The following KLRD1 variants were observed in gnomAD, a reference collection of about 807,000 sequenced individuals.
KLRD1 encodes the protein natural killer cells antigen CD94.
A neutral mutation model predicts 22.6 loss-of-function variants in KLRD1; 21 were observed. That is an observed-to-expected ratio of 0.93 (90% CI 0.66 to 1.34). The LOEUF (loss-of-function observed/expected upper bound fraction) is 1.34, where lower values mean the gene tolerates loss of function less well. KLRD1 is among the 40% of genes most tolerant of loss of function. The pLI is 0.00. For synonymous variants in KLRD1, 59 were observed against 71.1 expected, an observed-to-expected ratio of 0.83 and a Z score of 0.85; for missense variants, 183 against 208.6, an observed-to-expected ratio of 0.88 and a Z score of 0.76.
chr12:10,275,236 G>A (rs2537794), intron 1 of KLRD1, among the ~76,000 whole-genome samples: 148,789 of 152,292 alleles, frequency 0.98, 72,771 homozygotes, highest in East Asian at 1. Context: ...GTTCTTTTTC[G>A]GGTACTTTGC....
In KLRD1 at chr12:10,319,800, A is replaced by G. The variant is rs1950293955; in HGVS notation, c.*5007A>G. The G allele has an allele frequency of 6.6e-6, 1 of 152,006 alleles. No individual in the cohort carries two copies. The highest frequency in any genetic ancestry group is 6.6e-5 in the Admixed American group (1 of 15,264). The allele number at this position is 152,006 out of a possible 1,614,324, so 9.4% of individuals were successfully genotyped here. The stretch of plus-strand genomic sequence containing the variant: ...TCATGAGAGACCCTGAGCTAGGTCC[A>G]TCGTGCTATGCTGTTCGAGGATTCC... On this transcript the variant is annotated 3_prime_UTR_variant, in exon 6 of 6. Coordinates refer to ENST00000336164, the MANE Select transcript of KLRD1 (RefSeq NM_002262.5).
intron 1 of KLRD1, among the ~76,000 whole-genome samples, chr12:10,290,456 TAGAA>T (rs1176202081): frequency 1.3e-5 from 2 of 152,138 alleles, no homozygotes; most frequent in Non-Finnish European, 2.9e-5. Context: ...TAATCAGAGG[TAGAA>T]AGAATTTAAA....
At chr12:10,269,506 G>A (rs1007221874) in intron 1 of KLRD1, among the ~76,000 whole-genome samples, 2 of 152,072 alleles carry the variant, frequency 1.3e-5, no homozygotes, top group African/African-American at 4.8e-5. Flanking sequence ...GCACGTCTTT[G>A]ATTAGCTTAC....
chr12:10,278,087 C>T (rs547829315), intron 1 of KLRD1, among the ~76,000 whole-genome samples: 2 of 152,188 alleles, frequency 1.3e-5, no homozygotes, highest in Non-Finnish European at 2.9e-5. Flanking sequence ...AGACTTGTGG[C>T]CCCTGCCTAA....
At chr12:10,269,537 A>G (rs1949530684) in intron 1 of KLRD1, among the ~76,000 whole-genome samples, 1 of 152,234 alleles carries the variant, frequency 6.6e-6, no homozygotes, top group South Asian at 2.1e-4. Flanking sequence ...TGCAGTATGT[A>G]GTAATATTTA....
At chr12:10,247,513 G>A (rs1024149652) in intron 1 of KLRD1, among the ~76,000 whole-genome samples, 5 of 151,986 alleles carry the variant, frequency 3.3e-5, no homozygotes, top group Non-Finnish European at 7.4e-5. Flanking sequence ...TGTTTTGTGT[G>A]TTTTTTAAGA....
chr12:10,324,818 G>GTGTGTATATATATATATATATATATA lies in KLRD1; in HGVS notation c.*10026_*10027insGTGTATATATATATATATATATATAT, dbSNP rs750696767. The stretch of plus-strand genomic sequence containing the variant: ...AGTATATATGTATATGTGTGTGTGT[G>GTGTGTATATATATATATATATATATA]TATATATATATATATATATATATAT... On this transcript the variant is annotated 3_prime_UTR_variant, in exon 6 of 6. Coordinates refer to ENST00000336164, the MANE Select transcript of KLRD1 (RefSeq NM_002262.5). 1.3e-5 allele frequency: 1 copy of GTGTGTATATATATATATATATATATA among 74,144 alleles called. No individual in the cohort carries two copies. Among genetic ancestry groups the GTGTGTATATATATATATATATATATA allele is most frequent in the African/African-American group, 4.2e-5 (1 of 23,544 alleles). 4.6% of individuals were successfully genotyped at this position (74,144 alleles called of 1,614,324 possible). A position where few individuals can be genotyped will look rare whatever the true frequency, so the allele number is the denominator to read the frequency against.
rs1950325691 is a variant in KLRD1 at position 10,323,069 on chromosome 12, G to T, written c.*8276G>T. ...CAATTTGCTTATTTATTCTAATATT[G>T]TTCAACATTTGAGTCATTTCCACTT... On this transcript the variant is annotated 3_prime_UTR_variant, in exon 6 of 6. Transcript: ENST00000336164. 1 of 152,070 alleles carries T rather than the reference G, an allele frequency of 6.6e-6. No homozygotes were observed. Among genetic ancestry groups the T allele is most frequent in the African/African-American group, 2.4e-5 (1 of 41,394 alleles). The allele number at this position is 152,070 out of a possible 1,614,324, so 9.4% of individuals were successfully genotyped here.
intron 1 of KLRD1, among the ~76,000 whole-genome samples, chr12:10,277,126 T>A (rs1052292826): frequency 6.6e-6 from 1 of 150,528 alleles, no homozygotes; most frequent in African/African-American, 2.4e-5. Flanking sequence ...TTTTTTTTTT[T>A]TTTTTTTTTT....
At position 10,275,282 on chromosome 12, in the gene KLRD1, A is replaced by C. The variant is rs139032664; in HGVS notation, c.-100-32696A>C. Among the ~76,000 whole-genome samples the C allele has an allele frequency of 2.0e-5, 3 of 152,246 alleles. No individual in the cohort carries two copies. In the East Asian group the frequency reaches 5.8e-4, roughly 29 times the overall value. ...AGTTTTTTATTTGTTTCTAGCTCTG[A>C]GTGTCTCATCTTTCTCACTAATTTA... On this transcript the variant is annotated intron_variant, in intron 1 of 5. Coordinates refer to the KLRD1 transcript ENST00000544747.
At chr12:10,292,931 C>T (rs1949783145) in intron 1 of KLRD1, among the ~76,000 whole-genome samples, 1 of 151,552 alleles carries the variant, frequency 6.6e-6, no homozygotes, top group Non-Finnish European at 1.5e-5. Flanking sequence ...GCTGTAGCTT[C>T]TTCATCAGCA....
At chr12:10,301,013 GA>G (rs1364413835), upstream of KLRD1, among the ~76,000 whole-genome samples, 1 of 152,082 alleles carries the variant, frequency 6.6e-6, no homozygotes, top group African/African-American at 2.4e-5. Context: ...TGGTTTAAGG[GA>G]ATGTTGTGAC....
At chr12:10,285,840 T>G (rs1009216656) in intron 1 of KLRD1, among the ~76,000 whole-genome samples, 3 of 152,222 alleles carry the variant, frequency 2.0e-5, no homozygotes, top group Admixed American at 2.0e-4. Context: ...TTAGTAATGT[T>G]TCCTATGTTT....
chr12:10,313,497 G>T lies in KLRD1; in HGVS notation c.403G>T (p.Ala135Ser), dbSNP rs1950147620. The change falls in exon 5 of 6, where the codon GCA becomes TCA. Residue 135 changes from alanine to serine, a missense_variant. Transcript: ENST00000336164. ...HTAWLWENGS[A>S]LSQYLFPSFE... Reference sequence around the variant, plus strand: ...CGCCTGGTTGTGGGAGAATGGCTCTGCACTCTCCCAGTATCTGTAAGTTTC... The same window carrying T: ...CGCCTGGTTGTGGGAGAATGGCTCTTCACTCTCCCAGTATCTGTAAGTTTC... 3 of 1,594,470 alleles carry T rather than the reference G, an allele frequency of 1.9e-6. No homozygotes were observed. The highest frequency in any genetic ancestry group is 2.6e-6 in the Non-Finnish European group (3 of 1,167,214).
At chr12:10,253,182 C>G (rs1444065878) in intron 1 of KLRD1, among the ~76,000 whole-genome samples, 1 of 151,982 alleles carries the variant, frequency 6.6e-6, no homozygotes, top group African/African-American at 2.4e-5. Context: ...GGAAACATTT[C>G]AATTTCAGTA....
chr12:10,277,505 G>A (rs954398664), intron 1 of KLRD1, among the ~76,000 whole-genome samples: 2 of 152,106 alleles, frequency 1.3e-5, no homozygotes, highest in Non-Finnish European at 2.9e-5. Context: ...ATGAAGGAGA[G>A]TAGAATTTGG....
At chr12:10,311,343 GT>G in intron 3 of KLRD1, 120 bp from the exon 4 acceptor site, 1 of 853,268 alleles carries the variant, frequency 1.2e-6, no homozygotes, top group Admixed American at 2.5e-5. Context: ...GAAGTGTGGT[GT>G]ATACAGTAGA....
chr12:10,312,251 C>T (rs951308494), intron 4 of KLRD1, among the ~76,000 whole-genome samples: 13 of 151,876 alleles, frequency 8.6e-5, no homozygotes, highest in South Asian at 4.2e-4. Context: ...AGGGTTTCAC[C>T]GTATTGGCGA....
intron 1 of KLRD1, among the ~76,000 whole-genome samples, chr12:10,280,462 G>A (rs1000200610): frequency 1.3e-5 from 2 of 152,032 alleles, no homozygotes; most frequent in African/African-American, 4.8e-5. Context: ...ATTATTAATT[G>A]CAAATAGATT....
Sources: gnomAD v4.1 joint callset for allele counts (sites outside exome capture counted in the v4.1 genomes callset) on GRCh38, gnomAD v4.1.1 for gene constraint, MANE v1.5 for transcripts, NCBI Gene and HGNC (gene_info 2026-07-23, HGNC 2026-07-21) for gene names.